Variants in PDZRN3 observed in about 807,000 individuals in gnomAD.
PDZRN3 encodes PDZ domain containing ring finger 3.
PDZRN3 carries 38 observed loss-of-function variants against 85.7 expected under a neutral mutation model. The ratio of observed to expected loss-of-function variants is 0.44; its 90% confidence interval spans 0.34 to 0.58. The LOEUF is 0.58. Ranked by LOEUF, PDZRN3 falls within the 20% of genes least tolerant of loss-of-function variation. The pLI is 0.01. For missense variants in PDZRN3, 1,629 were observed against 1,506.4 expected, an observed-to-expected ratio of 1.08 and a Z score of -1.35; for synonymous variants, 759 against 638.0, an observed-to-expected ratio of 1.19 and a Z score of -2.86.
intron 3 of PDZRN3, among the ~76,000 whole-genome samples, chr3:73,537,677 T>A (rs1272523948): frequency 6.6e-6 from 1 of 152,140 alleles, no homozygotes; most frequent in Non-Finnish European, 1.5e-5. Context: ...TGGAGTGCAG[T>A]GGCACCATCT....
chr3:73,597,032 G>A (rs1007514209), intron 3 of PDZRN3, among the ~76,000 whole-genome samples: 5 of 152,112 alleles, frequency 3.3e-5, no homozygotes, highest in Admixed American at 6.6e-5. Context: ...CTGGGTTAAC[G>A]GTGTACAGAA....
intron 3 of PDZRN3, among the ~76,000 whole-genome samples, chr3:73,429,105 C>G (rs887572859): frequency 5.3e-5 from 8 of 152,016 alleles, no homozygotes; most frequent in African/African-American, 1.7e-4. Context: ...GCGATGGGAT[C>G]TCATCAAGTT....
chr3:73,453,416 A>AC (rs1702910634), intron 3 of PDZRN3, among the ~76,000 whole-genome samples: 1 of 135,678 alleles, frequency 7.4e-6, no homozygotes, highest in African/African-American at 2.7e-5. Flanking sequence ...AAAAAAAAAA[A>AC]AAAAAAACAA....
chr3:73,476,107 C>G (rs898180146), intron 3 of PDZRN3, among the ~76,000 whole-genome samples: 2 of 152,196 alleles, frequency 1.3e-5, no homozygotes, highest in Non-Finnish European at 2.9e-5. Context: ...TCCCTGCCTC[C>G]TGGTACACAG....
intron 3 of PDZRN3, among the ~76,000 whole-genome samples, chr3:73,543,462 A>G (rs1371372025): frequency 2.6e-5 from 4 of 152,234 alleles, no homozygotes; most frequent in Non-Finnish European, 5.9e-5. Flanking sequence ...TCTCATCCAG[A>G]CTTTAAATTT....
At position 73,454,142 on chromosome 3, in the gene PDZRN3, T is replaced by C. The variant is rs530991509; in HGVS notation, c.919-49747A>G. 2.6e-5 allele frequency among the ~76,000 whole-genome samples: 4 copies of C among 152,326 alleles called. No individual in the cohort carries two copies. The East Asian group carries it at 5.8e-4, about 22-fold the overall frequency. On this transcript the variant is annotated intron_variant, in intron 3 of 9. Coordinates refer to ENST00000263666, the MANE Select transcript of PDZRN3 (RefSeq NM_015009.3). The stretch of plus-strand genomic sequence containing the variant: ...GCTTAAAAACAAACATAGATGATGG[T>C]ATCCCCTGGGCAGGAGAGGAGGCCT...
chr3:73,583,487 T>C (rs758720078), intron 3 of PDZRN3, among the ~76,000 whole-genome samples: 2 of 152,092 alleles, frequency 1.3e-5, no homozygotes, highest in African/African-American at 2.4e-5. Flanking sequence ...ATGCATGAAC[T>C]CCACTAGATA....
chr3:73,474,753 G>T, intron 3 of PDZRN3: 1 of 412,038 alleles, frequency 2.4e-6, no homozygotes, highest in South Asian at 3.6e-5. Context: ...GCGAAGTGAA[G>T]GGGGGAAAAT....
chr3:73,512,335 T>A (rs1052315766), intron 3 of PDZRN3, among the ~76,000 whole-genome samples: 1 of 152,240 alleles, frequency 6.6e-6, no homozygotes, highest in Non-Finnish European at 1.5e-5. Context: ...AAATTGTTCA[T>A]AAATATTTGT....
chr3:73,469,058 T>C (rs1703281029), intron 3 of PDZRN3, among the ~76,000 whole-genome samples: 1 of 151,882 alleles, frequency 6.6e-6, no homozygotes, highest in Non-Finnish European at 1.5e-5. Context: ...TTTATTTCTT[T>C]CAAGAAAAAA....
intron 3 of PDZRN3, among the ~76,000 whole-genome samples, chr3:73,505,982 G>A (rs1256535378): frequency 6.6e-6 from 1 of 152,008 alleles, no homozygotes. Context: ...AGACTCCCAT[G>A]AATCAACACA....
chr3:73,620,005 C>T (rs962660380), intron 1 of PDZRN3, among the ~76,000 whole-genome samples: 8 of 152,186 alleles, frequency 5.3e-5, no homozygotes, highest in African/African-American at 1.9e-4. Flanking sequence ...GCGCTACTAG[C>T]CTCTAGTAGG....
At chr3:73,515,616 A>G (rs931252843) in intron 3 of PDZRN3, among the ~76,000 whole-genome samples, 1 of 152,212 alleles carries the variant, frequency 6.6e-6, no homozygotes, top group African/African-American at 2.4e-5. Context: ...TTAAAGATCG[A>G]TTTCCACAGA....
intron 3 of PDZRN3, among the ~76,000 whole-genome samples, chr3:73,425,209 T>G (rs1164032925): frequency 6.6e-6 from 1 of 151,908 alleles, no homozygotes; most frequent in East Asian, 1.9e-4. Context: ...TTAGTAGAGA[T>G]GGGGTTTCAC....
chr3:73,387,771 T>C (rs1701428440), intron 8 of PDZRN3, among the ~76,000 whole-genome samples, 197 bp downstream of exon 8: 1 of 152,298 alleles, frequency 6.6e-6, no homozygotes, highest in Middle Eastern at 3.4e-3. Flanking sequence ...GCAGTATAGA[T>C]GCCAGGGTGG....
chr3:73,445,412 A>C (rs1474504284), intron 3 of PDZRN3, among the ~76,000 whole-genome samples: 1 of 152,220 alleles, frequency 6.6e-6, no homozygotes, highest in Non-Finnish European at 1.5e-5. Flanking sequence ...CCCAGAAGAT[A>C]AAACAAGTAG....
rs552005934 is a variant in PDZRN3 at position 73,552,807 on chromosome 3, A to G, written c.918+49547T>C. ...GCCCAAATAGGTATTTGGAAAACAG[A>G]TCTTCAGAAGGAAGGTAAATATTTC... On this transcript the variant is annotated intron_variant, in intron 3 of 9. Transcript: ENST00000263666. Among the ~76,000 whole-genome samples, 17 of 152,358 alleles carry G rather than the reference A, an allele frequency of 1.1e-4. No homozygotes were observed. The East Asian group carries it at 1.9e-3, about 17-fold the overall frequency.
chr3:73,622,912 C>A (rs551043901), intron 1 of PDZRN3, among the ~76,000 whole-genome samples: 1 of 152,068 alleles, frequency 6.6e-6, no homozygotes, highest in African/African-American at 2.4e-5. Flanking sequence ...GTTTATAGAA[C>A]GTGGGCTGGA....
chr3:73,531,103 T>C (rs1160277771), intron 3 of PDZRN3, among the ~76,000 whole-genome samples: 1 of 151,784 alleles, frequency 6.6e-6, no homozygotes, highest in Non-Finnish European at 1.5e-5. Flanking sequence ...ACAAAAAAAT[T>C]AGCCAGGCAT....
Sources: gnomAD v4.1 joint callset for allele counts (sites outside exome capture counted in the v4.1 genomes callset) on GRCh38, gnomAD v4.1.1 for gene constraint, MANE v1.5 for transcripts, NCBI Gene and HGNC (gene_info 2026-07-23, HGNC 2026-07-21) for gene names.